MACROD2: variants seen among roughly 807,000 people sequenced by gnomAD.
MACROD2 encodes ADP-ribose glycohydrolase MACROD2.
MACROD2 carries 36 observed loss-of-function variants against 70.4 expected under a neutral mutation model. The ratio of observed to expected loss-of-function variants is 0.51; its 90% CI spans 0.39 to 0.68. The LOEUF (loss-of-function observed/expected upper bound fraction) is 0.68, where lower values mean the gene tolerates loss of function less well. MACROD2 is among the 30% of genes least tolerant of loss of function. The pLI, the probability that MACROD2 is intolerant of heterozygous loss-of-function variation, is 0.00. For missense variants in MACROD2, 496 were observed against 538.4 expected, an observed-to-expected ratio of 0.92 and a Z score of 0.78; for synonymous variants, 172 against 178.8, an observed-to-expected ratio of 0.96 and a Z score of 0.30.
At chr20:15,975,376 G>A (rs2066291143) in intron 13 of MACROD2, among the ~76,000 whole-genome samples, 1 of 151,976 alleles carries the variant, frequency 6.6e-6, no homozygotes, top group Admixed American at 6.6e-5. Context: ...GAAAAATTAT[G>A]CCTCAGAGAT....
At chr20:15,096,598 G>A (rs1360409293) in intron 5 of MACROD2, among the ~76,000 whole-genome samples, 1 of 145,894 alleles carries the variant, frequency 6.9e-6, no homozygotes, top group Non-Finnish European at 1.5e-5. Flanking sequence ...TGCAGCCTCC[G>A]CCTGCCAGGT....
rs57402806 is a variant in MACROD2 at position 15,636,076 on chromosome 20, G to GAA, written c.645+136244_645+136245dup. Among the ~76,000 whole-genome samples, 768 of 85,816 alleles carry GAA rather than the reference G, an allele frequency of 8.9e-3. 44 individuals are homozygous for GAA. The highest frequency in any genetic ancestry group is 0.017 in the African/African-American group (432 of 25,118). 56.3% of individuals were successfully genotyped at this position (85,816 alleles called of 152,430 possible). A position where few individuals can be genotyped will look rare whatever the true frequency, so the allele number is the denominator to read the frequency against. On this transcript the variant is annotated intron_variant, in intron 8 of 17. Coordinates refer to ENST00000684519, the MANE Select transcript of MACROD2 (RefSeq NM_001351661.2). ...GACAGAGCGAGGCTCCCTCTCAAAA[G>GAA]AAAAAAAAAAAAAAAAGAAAGAAAA...
At chr20:15,476,478 C>T (rs1310327079) in intron 7 of MACROD2, among the ~76,000 whole-genome samples, 1 of 152,154 alleles carries the variant, frequency 6.6e-6, no homozygotes, top group Non-Finnish European at 1.5e-5. Flanking sequence ...TCTGTGACAT[C>T]AGAAAGTATT....
At chr20:16,034,754 C>T (rs759620832) in intron 15 of MACROD2, among the ~76,000 whole-genome samples, 25 of 151,610 alleles carry the variant, frequency 1.6e-4, no homozygotes, top group Non-Finnish European at 3.4e-4. Context: ...TCCTGGTGCA[C>T]CCATCACCTG....
At chr20:14,289,398 C>A (rs1568539973) in intron 3 of MACROD2, among the ~76,000 whole-genome samples, 2 of 152,214 alleles carry the variant, frequency 1.3e-5, no homozygotes, top group Admixed American at 1.3e-4. Flanking sequence ...AAAGGTGTGG[C>A]CTCTGTGTAA....
At chr20:14,280,189 C>A (rs761602666) in intron 3 of MACROD2, among the ~76,000 whole-genome samples, 33 of 152,038 alleles carry the variant, frequency 2.2e-4, no homozygotes, top group Non-Finnish European at 3.7e-4. Flanking sequence ...TGGTTCACTA[C>A]ATGAATGAGT....
chr20:16,015,098 C>G (rs1192800492), intron 15 of MACROD2, among the ~76,000 whole-genome samples: 1 of 152,008 alleles, frequency 6.6e-6, no homozygotes, highest in African/African-American at 2.4e-5. Flanking sequence ...ATTGTTTGCC[C>G]TTAAAGACTA....
intron 4 of MACROD2, among the ~76,000 whole-genome samples, chr20:14,548,956 G>A (rs1269284187): frequency 1.3e-5 from 2 of 152,162 alleles, no homozygotes; most frequent in African/African-American, 2.4e-5. Context: ...TGAAGGGTGA[G>A]AGCACTGGAG....
intron 6 of MACROD2, among the ~76,000 whole-genome samples, chr20:15,235,721 A>G (rs1208484533): frequency 6.6e-6 from 1 of 152,202 alleles, no homozygotes; most frequent in Non-Finnish European, 1.5e-5. Flanking sequence ...CTGAGTTTCC[A>G]TTACAGGCCA....
intron 3 of MACROD2, among the ~76,000 whole-genome samples, chr20:14,170,661 A>G (rs547564921): frequency 2.6e-5 from 4 of 152,298 alleles, no homozygotes; most frequent in African/African-American, 7.2e-5. Flanking sequence ...TGAGTTGCAT[A>G]TGTTAAACCA....
At chr20:15,139,716 G>A (rs1262570488) in intron 5 of MACROD2, among the ~76,000 whole-genome samples, 3 of 152,184 alleles carry the variant, frequency 2.0e-5, no homozygotes, top group Non-Finnish European at 4.4e-5. Flanking sequence ...TCAGGACCTA[G>A]GAGAGCAGGT....
intron 3 of MACROD2, among the ~76,000 whole-genome samples, chr20:14,342,468 T>A (rs1457185422): frequency 6.6e-6 from 1 of 152,204 alleles, no homozygotes; most frequent in South Asian, 2.1e-4. Context: ...TAGTGATGCA[T>A]GTCAGGGCAC....
chr20:15,364,365 T>G (rs972237044), intron 6 of MACROD2, among the ~76,000 whole-genome samples: 1 of 152,220 alleles, frequency 6.6e-6, no homozygotes, highest in African/African-American at 2.4e-5. Context: ...CCTGCCCTAT[T>G]GTTCCTGTGA....
intron 6 of MACROD2, among the ~76,000 whole-genome samples, chr20:15,234,796 C>T (rs1226286550): frequency 6.6e-6 from 1 of 151,974 alleles, no homozygotes; most frequent in Non-Finnish European, 1.5e-5. Flanking sequence ...TCTATTGAGC[C>T]AGGGCTGGAA....
intron 8 of MACROD2, among the ~76,000 whole-genome samples, chr20:15,768,332 A>G (rs548262780): frequency 2.3e-3 from 355 of 152,330 alleles, no homozygotes; most frequent in Non-Finnish European, 4.2e-3. Flanking sequence ...CCTATACAAC[A>G]TGTTACTGTA....
chr20:14,499,609 C>A (rs2084894400), intron 4 of MACROD2, among the ~76,000 whole-genome samples: 1 of 152,014 alleles, frequency 6.6e-6, no homozygotes, highest in Non-Finnish European at 1.5e-5. Flanking sequence ...TAAAGGAGGC[C>A]AGGAGGCCCA....
intron 5 of MACROD2, among the ~76,000 whole-genome samples, chr20:15,137,795 C>G (rs2123296704): frequency 6.6e-6 from 1 of 152,046 alleles, no homozygotes; most frequent in South Asian, 2.1e-4. Context: ...AGATTTATTG[C>G]TACATTAATC....
At chr20:14,968,726 T>C (rs551053679) in intron 5 of MACROD2, among the ~76,000 whole-genome samples, 1 of 152,308 alleles carries the variant, frequency 6.6e-6, no homozygotes, top group Non-Finnish European at 1.5e-5. Context: ...CAGATGATGC[T>C]GATGCTGCTG....
chr20:15,659,305 T>C (rs924718285), intron 8 of MACROD2, among the ~76,000 whole-genome samples: 1 of 5,518 alleles, frequency 1.8e-4, no homozygotes, highest in African/African-American at 3.1e-4. Context: ...ATAGCACAGC[T>C]TTTTTTTTTT....
Sources: gnomAD v4.1 joint callset for allele counts (sites outside exome capture counted in the v4.1 genomes callset) on GRCh38, gnomAD v4.1.1 for gene constraint, MANE v1.5 for transcripts, NCBI Gene and HGNC (gene_info 2026-07-23, HGNC 2026-07-21) for gene names.